Variants in CARS1 observed in about 807,000 individuals in gnomAD.
The protein encoded by CARS1 is cysteine--tRNA ligase, cytoplasmic.
CARS1 carries 48 observed loss-of-function variants against 106.2 expected under a neutral mutation model. The ratio of observed to expected loss-of-function variants is 0.45; its 90% CI spans 0.36 to 0.57. The LOEUF (loss-of-function observed/expected upper bound fraction) is 0.57, where lower values mean the gene tolerates loss of function less well. Ranked by LOEUF, CARS1 falls within the 20% of genes least tolerant of loss-of-function variation. The pLI, the probability that CARS1 is intolerant of heterozygous loss-of-function variation, is 0.00. For missense variants in CARS1, 968 were observed against 1,057.2 expected (o/e 0.92, Z 1.17); for synonymous variants, 409 against 403.4 (o/e 1.01, Z -0.17).
At chr11:3,011,392 T>A (rs1412557420) in intron 18 of CARS1, among the ~76,000 whole-genome samples, 1 of 149,274 alleles carries the variant, frequency 6.7e-6, no homozygotes, top group Non-Finnish European at 1.5e-5. Context: ...GATCACGAGG[T>A]CAGGAGATCG....
chr11:3,005,631 ATT>A (rs5789288), intron 19 of CARS1, among the ~76,000 whole-genome samples, 198 bp from the exon 20 acceptor site: 104 of 132,406 alleles, frequency 7.9e-4, no homozygotes, highest in Middle Eastern at 4.0e-3. Flanking sequence ...TGTGTGTGTG[ATT>A]TTTTTTTTTT....
rs200057940 is a variant in CARS1 at position 3,012,210 on chromosome 11, C to A, written c.2053G>T (p.Ala685Ser). ...SEFREGVRKI[A>S]REQKVPEILQ... ...TGGTCCTCACCTTTTTGCTCTCGGG[C>A]AATCTTCCGCACTCCTTCTCGGAAT... The change falls in exon 18 of 23, where the codon GCC becomes TCC. Residue 685 changes from alanine (A) to serine (S), a missense_variant. Transcript: ENST00000380525. The A allele has an allele frequency of 6.2e-5, 100 of 1,614,076 alleles. No homozygotes were observed. Among genetic ancestry groups the A allele is most frequent in the Non-Finnish European group, 7.5e-5 (89 of 1,180,014 alleles).
chr11:3,006,815 C>G, intron 19 of CARS1, 64 bp downstream of exon 19: 2 of 1,284,792 alleles, frequency 1.6e-6, no homozygotes, highest in Non-Finnish European at 2.3e-6. Flanking sequence ...GCCCCGGGAG[C>G]TCTCCTTGTG....
chr11:3,033,417 T>C (rs1853135462), intron 7 of CARS1, among the ~76,000 whole-genome samples: 1 of 152,182 alleles, frequency 6.6e-6, no homozygotes, highest in African/African-American at 2.4e-5. Flanking sequence ...AATAAGTTAA[T>C]ATGAAAAAGT....
At position 3,046,512 on chromosome 11, in the gene CARS1, T is replaced by G. The variant is rs1443525270; in HGVS notation, c.274+1241A>C. On this transcript the variant is annotated intron_variant, in intron 2 of 22. Coordinates refer to ENST00000380525, the MANE Select transcript of CARS1 (RefSeq NM_001014437.3). This position sits in a 1 kb window ranked among gnomAD's most constrained non-coding sequence, Gnocchi z 5.8. ...CACAGCAACGGCCTCTGCCCTACGCTGGGGAAGGAGTGTCTGCTGCAGAGT... is the reference window on the plus strand; with the variant it reads ...CACAGCAACGGCCTCTGCCCTACGCGGGGGAAGGAGTGTCTGCTGCAGAGT... Among the ~76,000 whole-genome samples, 10 of 152,218 alleles carry G rather than the reference T, an allele frequency of 6.6e-5. No individual in the cohort carries two copies. The East Asian group carries it at 1.9e-3, about 29-fold the overall frequency.
In CARS1 at chr11:3,041,774, G is replaced by A. The variant is rs1854486548; in HGVS notation, c.366+391C>T. Among the ~76,000 whole-genome samples the A allele has an allele frequency of 1.3e-5, 2 of 152,130 alleles. No individual in the cohort carries two copies. Among genetic ancestry groups the A allele is most frequent in the Admixed American group, 1.3e-4 (2 of 15,280 alleles). ...CTGTGCTCCCAACAACATCCAGCCA[G>A]TTTGCCGTTTTGTCCATCCTGCTTG... On this transcript the variant is annotated intron_variant, in intron 3 of 22. Transcript: ENST00000380525. The surrounding 1 kb of genome is among the most constrained non-coding windows in gnomAD (Gnocchi z 4.9).
chr11:3,039,057 C>G lies in CARS1; in HGVS notation c.651+137G>C. ...CTTACCTATGGAGACTTCAGCGCCC[C>G]TGACGGAACTGGCTTGAGTAACATA... On this transcript the variant is annotated intron_variant, in intron 6 of 22. Coordinates refer to ENST00000380525, the MANE Select transcript of CARS1 (RefSeq NM_001014437.3). The surrounding 1 kb of genome is among the most constrained non-coding windows in gnomAD (Gnocchi z 5.6). The G allele has an allele frequency of 1.7e-6, 1 of 594,002 alleles. No individual in the cohort carries two copies. Among genetic ancestry groups the G allele is most frequent in the Non-Finnish European group, 3.0e-6 (1 of 336,410 alleles). The allele number at this position is 594,002 out of a possible 1,614,324, so 36.8% of individuals were successfully genotyped here.
rs1044928212 is a variant in CARS1, at chr11:3,044,056, G to A, written c.275-1800C>T. On this transcript the variant is annotated intron_variant, in intron 2 of 22. Transcript: ENST00000380525. The surrounding 1 kb of genome is among the most constrained non-coding windows in gnomAD (Gnocchi z 4.4). Reference sequence around the variant, plus strand: ...TGAAGGAGAATCTCACTCAATGCCTGGAGGCATTCAACCGGCCACTCTAGG... The same window carrying A: ...TGAAGGAGAATCTCACTCAATGCCTAGAGGCATTCAACCGGCCACTCTAGG... Among the ~76,000 whole-genome samples the A allele has an allele frequency of 6.6e-6, 1 of 152,214 alleles. No homozygotes were observed. The highest frequency in any genetic ancestry group is 2.4e-5 in the African/African-American group (1 of 41,444).
At chr11:3,035,999 A>G (rs753052492) in intron 7 of CARS1, among the ~76,000 whole-genome samples, 8 of 152,228 alleles carry the variant, frequency 5.3e-5, no homozygotes, top group Non-Finnish European at 1.2e-4. Context: ...CAGGTGGAAC[A>G]CCAGCTTTCC....
In CARS1 at chr11:3,002,536, A is replaced by G. The variant is rs1365841606; in HGVS notation, c.2277+5T>C. The stretch of plus-strand genomic sequence containing the variant: ...GAGCCCTCACCCCCAAACAAAATGC[A>G]TTACTTCTTGTTCCTGTTTCCTCCG... On this transcript the variant is annotated splice_donor_5th_base_variant and intron_variant, in intron 21 of 22. Coordinates refer to ENST00000380525, the MANE Select transcript of CARS1 (RefSeq NM_001014437.3). 1.9e-6 allele frequency: 3 copies of G among 1,613,960 alleles called. No homozygotes were observed. The highest frequency in any genetic ancestry group is 1.3e-5 in the African/African-American group (1 of 74,904).
chr11:3,015,018 G>A (rs993200290), intron 17 of CARS1, among the ~76,000 whole-genome samples: 3 of 152,242 alleles, frequency 2.0e-5, no homozygotes, highest in African/African-American at 7.2e-5. Context: ...CTTGACCTGG[G>A]AGCAGGTGGA....
rs1376242661 is a variant in CARS1 at position 3,019,800 on chromosome 11, C to T, written c.1266+420G>A. On this transcript the variant is annotated intron_variant, in intron 11 of 22. Coordinates refer to ENST00000380525, the MANE Select transcript of CARS1 (RefSeq NM_001014437.3). The surrounding 1 kb of genome is among the most constrained non-coding windows in gnomAD (Gnocchi z 6.2). ...AGGTTTAGGTGAAGTTACTGAATTA[C>T]ATCCAGACCTCTGAGCCCTTGACAG... Among the ~76,000 whole-genome samples the T allele has an allele frequency of 1.3e-5, 2 of 152,080 alleles. No homozygotes were observed. Among genetic ancestry groups the T allele is most frequent in the East Asian group, 1.9e-4 (1 of 5,186 alleles).
intron 18 of CARS1, among the ~76,000 whole-genome samples, chr11:3,011,530 C>T (rs986694799): frequency 1.3e-5 from 2 of 152,148 alleles, no homozygotes; most frequent in African/African-American, 2.4e-5. Flanking sequence ...AGAAGAATGG[C>T]GTGAACCCGG....
intron 17 of CARS1, among the ~76,000 whole-genome samples, chr11:3,015,187 C>T (rs939110432): frequency 1.3e-5 from 2 of 152,220 alleles, no homozygotes; most frequent in African/African-American, 2.4e-5. Flanking sequence ...TCTCACCGCA[C>T]AGACCCACTA....
intron 14 of CARS1, 67 bp downstream of exon 14, chr11:3,018,341 T>C: frequency 9.5e-7 from 1 of 1,055,674 alleles, no homozygotes; most frequent in South Asian, 1.4e-5. Flanking sequence ...CTATCACCAC[T>C]GCACAAGGTG....
chr11:3,002,122 T>C (rs778000985), intron 21 of CARS1, 69 bp from the exon 22 acceptor site: 2 of 1,019,806 alleles, frequency 2.0e-6, no homozygotes, highest in Non-Finnish European at 3.1e-6. Flanking sequence ...GTGAACGACA[T>C]CTGCTCATAC....
At position 3,052,530 on chromosome 11, in the gene CARS1, C is replaced by G. The variant is rs908111377; in HGVS notation, c.26-4529G>C. ...TTATTTTAAAAGTTTATTACCAAAT[C>G]TGCCTTGATCTTGGATCACATAATT... On this transcript the variant is annotated intron_variant, in intron 1 of 22. Transcript: ENST00000380525. The surrounding 1 kb of genome is among the most constrained non-coding windows in gnomAD (Gnocchi z 4.6). Among the ~76,000 whole-genome samples, 1 of 152,166 alleles carries G rather than the reference C, an allele frequency of 6.6e-6. No homozygotes were observed. The highest frequency in any genetic ancestry group is 2.4e-5 in the African/African-American group (1 of 41,426).
At chr11:3,032,008 C>T (rs773406927) in intron 7 of CARS1, among the ~76,000 whole-genome samples, 2,204 of 12,040 alleles carry the variant, frequency 0.18, 212 homozygotes, top group African/African-American at 0.3. Flanking sequence ...CCCTCCCTCC[C>T]TCCCTCCCTC....
intron 18 of CARS1, chr11:3,007,303 G>GT (rs1039945433): frequency 9.9e-4 from 366 of 368,488 alleles, no homozygotes; most frequent in Admixed American, 8.6e-4. Flanking sequence ...GACAGCAGGG[G>GT]TGGGAGGGTC....
Sources: allele counts gnomAD v4.1 joint callset (sites outside exome capture counted in the v4.1 genomes callset), GRCh38; gene constraint gnomAD v4.1.1; non-coding constraint Gnocchi (gnomAD v3.1); transcripts MANE v1.5; gene names NCBI Gene and HGNC (gene_info 2026-07-23, HGNC 2026-07-21).